DOCK1: variants seen among roughly 807,000 people sequenced by gnomAD.
DOCK1 encodes dedicator of cytokinesis protein 1.
DOCK1 carries 138 observed loss-of-function variants against 262.7 expected under a neutral mutation model. The observed-to-expected ratio is 0.53, with a 90% CI of 0.46 to 0.61. DOCK1 has a LOEUF of 0.61. Ranked by LOEUF, DOCK1 falls within the 20% of genes least tolerant of loss-of-function variation. DOCK1 has a pLI of 0.00. For missense variants in DOCK1, 1,908 were observed against 2,370.7 expected, an observed-to-expected ratio of 0.80 and a Z score of 4.05; for synonymous variants, 866 against 867.4, an observed-to-expected ratio of 1.00 and a Z score of 0.03.
intron 23 of DOCK1, among the ~76,000 whole-genome samples, chr10:127,074,004 T>C (rs1029249471): frequency 6.6e-6 from 1 of 152,160 alleles, no homozygotes; most frequent in African/African-American, 2.4e-5. Flanking sequence ...ACTTTAAATA[T>C]GTCCCAGGAA....
chr10:127,418,734 G>A (rs953766961), intron 45 of DOCK1, among the ~76,000 whole-genome samples, 193 bp downstream of exon 45: 2 of 152,236 alleles, frequency 1.3e-5, no homozygotes, highest in African/African-American at 2.4e-5. Context: ...CGGAGTCCCG[G>A]CAAGGCTCCC....
intron 12 of DOCK1, among the ~76,000 whole-genome samples, chr10:127,013,940 ATT>A (rs2041668061): frequency 6.6e-6 from 1 of 152,226 alleles, no homozygotes; most frequent in South Asian, 2.1e-4. Context: ...ACCGGCGCTC[ATT>A]TTATCACCAG....
At chr10:126,910,147 A>G (rs1591280972) in intron 1 of DOCK1, among the ~76,000 whole-genome samples, 2 of 152,374 alleles carry the variant, frequency 1.3e-5, no homozygotes, top group Admixed American at 1.3e-4. Context: ...ATAAGTAAAT[A>G]GAAATGCAGG....
intron 1 of DOCK1, among the ~76,000 whole-genome samples, chr10:126,946,515 C>A (rs1313197060): frequency 6.6e-6 from 1 of 152,130 alleles, no homozygotes; most frequent in Non-Finnish European, 1.5e-5. Context: ...CACTACACTC[C>A]AGTCTGGGCA....
In DOCK1 at chr10:127,418,593, C is replaced by T. The variant is rs373701961; in HGVS notation, c.4692+52C>T. On this transcript the variant is annotated intron_variant, in intron 45 of 51. Coordinates refer to ENST00000623213, the MANE Select transcript of DOCK1 (RefSeq NM_001290223.2). ...GCAAGCAGTCCTGCCCGGGGACAGA[C>T]TGAAAATTCCCGAGAGTCCCCAAAG... 1.1e-5 allele frequency: 17 copies of T among 1,550,176 alleles called. No individual in the cohort carries two copies. The East Asian group carries it at 1.1e-4, about 10-fold the overall frequency.
At chr10:127,154,061 G>A in intron 27 of DOCK1, 2 of 641,950 alleles carry the variant, frequency 3.1e-6, no homozygotes, top group Non-Finnish European at 5.6e-6. Context: ...ATGCTTCCCA[G>A]TTTGCTCCTG....
Position 127,210,988 on chromosome 10 carries a change from A to G in DOCK1, c.2848-37020A>G, listed in dbSNP as rs934881404. On this transcript the variant is annotated intron_variant, in intron 27 of 51. Coordinates refer to ENST00000623213, the MANE Select transcript of DOCK1 (RefSeq NM_001290223.2). ...GTTTAGCATTTTGTTGTACTTTATT[A>G]TTTTATTGTCTTTGTTTTATTTAGA... 3.9e-5 allele frequency among the ~76,000 whole-genome samples: 6 copies of G among 152,108 alleles called. 1 individual carries two copies. The South Asian group carries it at 1.0e-3, about 26-fold the overall frequency.
chr10:127,149,260 A>G (rs1242262550), intron 27 of DOCK1, among the ~76,000 whole-genome samples: 7 of 151,528 alleles, frequency 4.6e-5, no homozygotes, highest in Admixed American at 4.6e-4. Context: ...CACCCCACCC[A>G]AGAGAGAGGG....
chr10:126,981,226 C>T (rs565432241), intron 3 of DOCK1, among the ~76,000 whole-genome samples: 14 of 152,212 alleles, frequency 9.2e-5, no homozygotes, highest in South Asian at 4.1e-4. Context: ...GGGATTACAT[C>T]GTGCCTGGCC....
At chr10:127,163,799 C>CTTTTTT (rs531750560) in intron 27 of DOCK1, among the ~76,000 whole-genome samples, 2 of 129,224 alleles carry the variant, frequency 1.5e-5, no homozygotes, top group Non-Finnish European at 1.7e-5. Flanking sequence ...TAAAGCCTTC[C>CTTTTTT]TTTTTTTTTT....
At chr10:127,402,899 C>A (rs982297519) in intron 38 of DOCK1, among the ~76,000 whole-genome samples, 156 bp from the exon 39 acceptor site, 1 of 152,222 alleles carries the variant, frequency 6.6e-6, no homozygotes, top group Non-Finnish European at 1.5e-5. Context: ...AGACATGAGA[C>A]TCAAGAAAAT....
chr10:127,417,363 A>C (rs1379574948), intron 44 of DOCK1, among the ~76,000 whole-genome samples: 1 of 152,080 alleles, frequency 6.6e-6, no homozygotes, highest in Non-Finnish European at 1.5e-5. Flanking sequence ...CTGGGCTGGG[A>C]CTCGGCCAGG....
intron 23 of DOCK1, among the ~76,000 whole-genome samples, chr10:127,104,940 T>C (rs1203685342): frequency 6.6e-6 from 1 of 152,172 alleles, no homozygotes; most frequent in African/African-American, 2.4e-5. Flanking sequence ...GGAGGTGATA[T>C]GGTTTGGCTG....
intron 29 of DOCK1, among the ~76,000 whole-genome samples, chr10:127,316,520 C>T (rs942839794): frequency 2.6e-5 from 4 of 152,112 alleles, no homozygotes; most frequent in African/African-American, 4.8e-5. Flanking sequence ...CATTCTGAAT[C>T]GACTACTAAA....
At chr10:127,173,442 A>G (rs1187041578) in intron 27 of DOCK1, among the ~76,000 whole-genome samples, 1 of 152,134 alleles carries the variant, frequency 6.6e-6, no homozygotes, top group Non-Finnish European at 1.5e-5. Flanking sequence ...TTGTTCTAAG[A>G]GGAGTGTAAG....
chr10:127,242,467 C>T (rs2059297282), intron 27 of DOCK1, among the ~76,000 whole-genome samples: 1 of 152,262 alleles, frequency 6.6e-6, no homozygotes, highest in East Asian at 1.9e-4. Flanking sequence ...ATCTTATCAG[C>T]TCTAAGAACT....
chr10:126,991,202 G>T (rs2135009729), intron 6 of DOCK1, among the ~76,000 whole-genome samples: 1 of 152,252 alleles, frequency 6.6e-6, no homozygotes, highest in South Asian at 2.1e-4. Flanking sequence ...AGTGCCTTTA[G>T]TGCTCACCCC....
intron 27 of DOCK1, among the ~76,000 whole-genome samples, chr10:127,170,576 A>G (rs1477091448): frequency 3.9e-5 from 6 of 152,202 alleles, no homozygotes; most frequent in African/African-American, 7.2e-5. Flanking sequence ...AGAGGCAAAG[A>G]GCGCTGTCGG....
rs1053044824 is a variant in DOCK1, at chr10:127,418,679, G to T, written c.4692+138G>T. 7.8e-6 allele frequency: 9 copies of T among 1,153,366 alleles called. No homozygotes were observed. The African/African-American group carries it at 1.4e-4, about 18-fold the overall frequency. The allele number at this position is 1,153,366 out of a possible 1,614,324, so 71.4% of individuals were successfully genotyped here. A position where few individuals can be genotyped will look rare whatever the true frequency, so the allele number is the denominator to read the frequency against. On this transcript the variant is annotated intron_variant, in intron 45 of 51. Transcript: ENST00000623213. ...GCAGTGGCCCAGCCAAGGCCAGGCA[G>T]CAGCAGCCAGTGGCGGCCCCTGAAG...
Sources: gnomAD v4.1 joint callset for allele counts (sites outside exome capture counted in the v4.1 genomes callset) on GRCh38, gnomAD v4.1.1 for gene constraint, MANE v1.5 for transcripts, NCBI Gene and HGNC (gene_info 2026-07-23, HGNC 2026-07-21) for gene names.